Variants in NELL2 observed in about 807,000 individuals in gnomAD.
NELL2 encodes the protein neural EGFL like 2, also known as protein kinase C-binding protein NELL2.
A neutral mutation model predicts 109.6 loss-of-function variants in NELL2; 41 were observed. The observed-to-expected ratio is 0.37, with a 90% CI of 0.29 to 0.49. NELL2 has a LOEUF of 0.49. Ranked by LOEUF, NELL2 falls within the 20% of genes least tolerant of loss-of-function variation. NELL2 has a pLI of 0.98. For missense variants in NELL2, 900 were observed against 1,008.3 expected, an observed-to-expected ratio of 0.89 and a Z score of 1.45; for synonymous variants, 355 against 344.7, an observed-to-expected ratio of 1.03 and a Z score of -0.33.
In NELL2 at chr12:44,740,024, C is replaced by T. The variant is rs1054513402; in HGVS notation, c.995-25283G>A. ...AGTGGCTACAATACAAACCATGTGG[C>T]ATGCAAGACCAAAAATACTTATTGT... On this transcript the variant is annotated intron_variant, in intron 9 of 19. Transcript: ENST00000429094. Among the ~76,000 whole-genome samples the T allele has an allele frequency of 3.3e-5, 5 of 152,188 alleles. No homozygotes were observed. In the South Asian group the frequency reaches 1.0e-3, roughly 31 times the overall value.
chr12:44,739,806 C>T (rs1300653377), intron 9 of NELL2, among the ~76,000 whole-genome samples: 1 of 151,972 alleles, frequency 6.6e-6, no homozygotes, highest in Non-Finnish European at 1.5e-5. Context: ...CAGGAGAATC[C>T]CTTGAACTGG....
intron 1 of NELL2, among the ~76,000 whole-genome samples, chr12:44,887,636 TTGTGTGTG>T (rs141640366): frequency 4.0e-5 from 6 of 149,236 alleles, no homozygotes; most frequent in South Asian, 2.1e-4. Context: ...GGGGGGATTA[TTGTGTGTG>T]TGTGTGTGTG....
chr12:44,750,360 C>G (rs1940597780), intron 9 of NELL2, among the ~76,000 whole-genome samples: 1 of 152,074 alleles, frequency 6.6e-6, no homozygotes, highest in Middle Eastern at 3.2e-3. Flanking sequence ...TGGAGACTTT[C>G]AAAAGATGGT....
At position 44,776,103 on chromosome 12, in the gene NELL2, A is replaced by G. The variant is rs1173748218; in HGVS notation, c.810T>C (p.Cys270=). Residue 270 remains cysteine (C), a synonymous_variant, in exon 8 of 20, where the codon TGT becomes TGC. Coordinates refer to ENST00000429094, the MANE Select transcript of NELL2 (RefSeq NM_001145108.2). The part of the protein sequence containing the change: ...QRMNRLDQCY[C]ERTCTMKGTT... ...TTCCCTTCATGGTGCAAGTCCTTTC[A>G]CAATAGCACTGATCCAATCTATTCA... 6.2e-7 allele frequency: 1 copy of G among 1,614,110 alleles called. No individual in the cohort carries two copies.
At chr12:44,720,592 GA>G (rs1227543931) in intron 9 of NELL2, among the ~76,000 whole-genome samples, 1 of 152,166 alleles carries the variant, frequency 6.6e-6, no homozygotes, top group Non-Finnish European at 1.5e-5. Context: ...CATGCTCAAA[GA>G]AAGTCTGCTC....
chr12:44,914,829 G>T (rs1387437106), upstream of NELL2, among the ~76,000 whole-genome samples: 1 of 151,620 alleles, frequency 6.6e-6, no homozygotes, highest in Non-Finnish European at 1.5e-5. Flanking sequence ...TAAAATTAAA[G>T]AGGCTGGATT....
In NELL2 at chr12:44,853,492, T is replaced by C. The variant is rs190332447; in HGVS notation, c.184+21733A>G. 1.7e-4 allele frequency among the ~76,000 whole-genome samples: 26 copies of C among 151,026 alleles called. 2 individuals are homozygous for C. The East Asian group carries it at 5.0e-3, about 29-fold the overall frequency. On this transcript the variant is annotated intron_variant, in intron 2 of 19. Coordinates refer to ENST00000429094, the MANE Select transcript of NELL2 (RefSeq NM_001145108.2). Reference sequence around the variant, plus strand: ...ACATTTCTCCCCTTTATTTGGGATATGATATTTCTTCTCCTAGAGTGAAAA... The same window carrying C: ...ACATTTCTCCCCTTTATTTGGGATACGATATTTCTTCTCCTAGAGTGAAAA...
chr12:44,632,953 G>C (rs774250774), intron 13 of NELL2, among the ~76,000 whole-genome samples: 4 of 151,772 alleles, frequency 2.6e-5, no homozygotes, highest in Non-Finnish European at 5.9e-5. Context: ...TAGTGGATAG[G>C]ACTACCACTG....
intron 2 of NELL2, among the ~76,000 whole-genome samples, chr12:44,838,507 T>A (rs1274819983): frequency 6.6e-6 from 1 of 152,182 alleles, no homozygotes; most frequent in Non-Finnish European, 1.5e-5. Flanking sequence ...TGGGCCCTGG[T>A]TACTTTGGTT....
intron 19 of NELL2, 31 bp from the exon 20 acceptor site, chr12:44,509,015 G>A: frequency 6.3e-7 from 1 of 1,588,100 alleles, no homozygotes; most frequent in Non-Finnish European, 8.6e-7. Flanking sequence ...AAGAAAAACA[G>A]TATGAATTTT....
At chr12:44,754,518 C>T (rs904451768) in intron 9 of NELL2, among the ~76,000 whole-genome samples, 5 of 152,164 alleles carry the variant, frequency 3.3e-5, no homozygotes, top group Admixed American at 3.3e-4. Flanking sequence ...CAACTGCCAT[C>T]ATCCTAGTTT....
intron 2 of NELL2, among the ~76,000 whole-genome samples, chr12:44,852,161 T>C (rs1023179709): frequency 4.6e-5 from 7 of 152,222 alleles, no homozygotes; most frequent in Admixed American, 1.3e-4. Flanking sequence ...TTACTCTTTT[T>C]CTTTGAATGA....
chr12:44,831,839 G>A (rs762836639), intron 2 of NELL2, among the ~76,000 whole-genome samples: 208 of 152,210 alleles, frequency 1.4e-3, no homozygotes, highest in Non-Finnish European at 1.4e-3. Context: ...GCATCAGCCC[G>A]GAACCACCTG....
At chr12:44,710,276 T>C (rs923197690) in intron 11 of NELL2, among the ~76,000 whole-genome samples, 3 of 152,170 alleles carry the variant, frequency 2.0e-5, no homozygotes, top group African/African-American at 7.2e-5. Context: ...ACTTTTTCTA[T>C]TTAAGCTTTG....
At chr12:44,612,614 G>A (rs560410747) in intron 13 of NELL2, among the ~76,000 whole-genome samples, 8 of 151,870 alleles carry the variant, frequency 5.3e-5, no homozygotes, top group Non-Finnish European at 1.2e-4. Flanking sequence ...TTTCAGAAGG[G>A]CTAGAATGGG....
chr12:44,737,982 T>C (rs1049212318), intron 9 of NELL2, among the ~76,000 whole-genome samples: 2 of 151,920 alleles, frequency 1.3e-5, no homozygotes, highest in African/African-American at 2.4e-5. Flanking sequence ...CAGAAACTAG[T>C]TGGTACTTGT....
At chr12:44,543,284 T>C (rs1942656282) in intron 15 of NELL2, among the ~76,000 whole-genome samples, 2 of 152,180 alleles carry the variant, frequency 1.3e-5, no homozygotes, top group Admixed American at 6.6e-5. Flanking sequence ...ATGCCTTTTA[T>C]CCAATCATCA....
In NELL2 at chr12:44,532,621, A is replaced by G. The variant is rs1942126778; in HGVS notation, c.1764T>C (p.His588=). 6.2e-7 allele frequency: 1 copy of G among 1,613,662 alleles called. No individual in the cohort carries two copies. The highest frequency in any genetic ancestry group is 8.5e-7 in the Non-Finnish European group (1 of 1,179,690). ...WYHCECRDGY[H]DNGMFSPSGE... ...CACTTGGTGAAAACATCCCATTGTC[A>G]TGGTAGCCATCTCTGCACTCACAGT... Residue 588 remains histidine, a synonymous_variant, in exon 16 of 20, where the codon CAT becomes CAC. Coordinates refer to ENST00000429094, the MANE Select transcript of NELL2 (RefSeq NM_001145108.2).
chr12:44,547,785 A>G (rs892394675), intron 15 of NELL2, among the ~76,000 whole-genome samples: 5 of 152,170 alleles, frequency 3.3e-5, no homozygotes, highest in Admixed American at 3.3e-4. Flanking sequence ...CCTTCCCTGC[A>G]CATGAACTGG....
Sources: allele counts gnomAD v4.1 joint callset (sites outside exome capture counted in the v4.1 genomes callset), GRCh38; gene constraint gnomAD v4.1.1; transcripts MANE v1.5; gene names NCBI Gene and HGNC (gene_info 2026-07-23, HGNC 2026-07-21).